ERGIC1: variants seen among roughly 807,000 people sequenced by gnomAD.
The protein encoded by ERGIC1 is endoplasmic reticulum-Golgi intermediate compartment protein 1.
ERGIC1 carries 19 observed loss-of-function variants against 38.3 expected under a neutral mutation model. That is an observed-to-expected ratio of 0.50 (90% CI 0.35 to 0.73). ERGIC1 has a LOEUF of 0.73. Among genes scored for constraint, ERGIC1 ranks in the 30% least tolerant of loss-of-function variants. The pLI is 0.01. For missense variants in ERGIC1, 294 were observed against 389.2 expected (o/e 0.76, Z 2.06); for synonymous variants, 124 against 157.6 (o/e 0.79, Z 1.60).
At chr5:172,917,136 C>T (rs1186393048) in intron 5 of ERGIC1, 2 of 152,292 alleles carry the variant, frequency 1.3e-5, no homozygotes, top group Non-Finnish European at 2.9e-5. Flanking sequence ...CATGTGGAAG[C>T]AAAGAAACCT....
chr5:172,935,155 T>C (rs773337014), intron 8 of ERGIC1, 33 bp from the exon 9 acceptor site: 2 of 1,613,546 alleles, frequency 1.2e-6, no homozygotes, highest in Non-Finnish European at 8.5e-7. Context: ...GAGACACAGT[T>C]TGTACTTCTG....
At chr5:172,857,964 G>A (rs1025413224) in intron 1 of ERGIC1, among the ~76,000 whole-genome samples, 4 of 152,130 alleles carry the variant, frequency 2.6e-5, no homozygotes, top group Admixed American at 6.5e-5. Flanking sequence ...GTGGTGAACG[G>A]CAGGGATATA....
chr5:172,844,984 T>C (rs1049687770), intron 1 of ERGIC1, among the ~76,000 whole-genome samples: 1 of 152,154 alleles, frequency 6.6e-6, no homozygotes, highest in African/African-American at 2.4e-5. Flanking sequence ...CAGTGCATCC[T>C]CAAGTCAGGT....
chr5:172,853,544 G>T (rs528386569), intron 1 of ERGIC1, among the ~76,000 whole-genome samples: 42 of 152,292 alleles, frequency 2.8e-4, no homozygotes, highest in African/African-American at 9.1e-4. Flanking sequence ...GAGGCTTACA[G>T]AGTCAGTCTG....
intron 3 of ERGIC1, among the ~76,000 whole-genome samples, chr5:172,901,485 G>A (rs1467763846): frequency 1.3e-5 from 2 of 152,110 alleles, no homozygotes; most frequent in Non-Finnish European, 2.9e-5. Context: ...ATAGTAACTG[G>A]AACTCTCCAC....
intron 4 of ERGIC1, among the ~76,000 whole-genome samples, chr5:172,913,522 C>T (rs1224100068): frequency 6.6e-6 from 1 of 152,232 alleles, no homozygotes; most frequent in East Asian, 1.9e-4. Flanking sequence ...GCTGGATCCT[C>T]ACTTACTTCT....
At chr5:172,845,302 G>A (rs748159193) in intron 1 of ERGIC1, among the ~76,000 whole-genome samples, 1 of 152,156 alleles carries the variant, frequency 6.6e-6, no homozygotes, top group Non-Finnish European at 1.5e-5. Context: ...AGGAGGCCGG[G>A]CCTGGTGACC....
At chr5:172,942,184 ACTCCGT>A in intron 9 of ERGIC1, among the ~76,000 whole-genome samples, 1 of 152,190 alleles carries the variant, frequency 6.6e-6, no homozygotes, top group African/African-American at 2.4e-5. Context: ...ACAGAGCAAG[ACTCCGT>A]CTCAAAAAAT....
chr5:172,836,543 C>G (rs1358625462), intron 1 of ERGIC1, among the ~76,000 whole-genome samples: 1 of 152,224 alleles, frequency 6.6e-6, no homozygotes, highest in Non-Finnish European at 1.5e-5. Context: ...AACCTGCACT[C>G]TTTAAGCTCT....
intron 1 of ERGIC1, among the ~76,000 whole-genome samples, chr5:172,885,698 C>T (rs1457930929): frequency 7.8e-6 from 1 of 128,520 alleles, no homozygotes. Context: ...CCTCCCGCTG[C>T]AGCCCTTTCC....
chr5:172,896,031 C>T (rs916451217), intron 2 of ERGIC1, among the ~76,000 whole-genome samples: 1 of 152,074 alleles, frequency 6.6e-6, no homozygotes, highest in Non-Finnish European at 1.5e-5. Flanking sequence ...GAACTCTGTT[C>T]TACACTCTGC....
At chr5:172,861,598 A>G (rs1561706030) in intron 1 of ERGIC1, among the ~76,000 whole-genome samples, 1 of 152,236 alleles carries the variant, frequency 6.6e-6, no homozygotes, top group Non-Finnish European at 1.5e-5. Context: ...ACGTTGCTGT[A>G]AAGACGAAAG....
At chr5:172,857,705 G>A (rs998991141) in intron 1 of ERGIC1, among the ~76,000 whole-genome samples, 1 of 151,446 alleles carries the variant, frequency 6.6e-6, no homozygotes, top group Admixed American at 6.6e-5. Flanking sequence ...GGTCTCACGT[G>A]GCCCCAGGAC....
At chr5:172,897,120 C>G in intron 3 of ERGIC1, 46 bp downstream of exon 3, 1 of 1,588,018 alleles carries the variant, frequency 6.3e-7, no homozygotes, top group Non-Finnish European at 8.6e-7. Flanking sequence ...GTTCTGGGAC[C>G]CCAGACAAGA....
At chr5:172,860,407 A>G (rs548321415) in intron 1 of ERGIC1, among the ~76,000 whole-genome samples, 2 of 152,326 alleles carry the variant, frequency 1.3e-5, no homozygotes, top group South Asian at 4.1e-4. Flanking sequence ...CAACTTACAC[A>G]TTGGGAAGCC....
At chr5:172,893,699 G>C (rs1158835653) in intron 2 of ERGIC1, among the ~76,000 whole-genome samples, 1 of 151,232 alleles carries the variant, frequency 6.6e-6, no homozygotes, top group Non-Finnish European at 1.5e-5. Flanking sequence ...CAGTGGATTT[G>C]TTCAGCAGCT....
At position 172,907,804 on chromosome 5, in the gene ERGIC1, A is replaced by G. The variant is rs1460671182; in HGVS notation, c.156-1863A>G. ...CCCCTGCAGCTTTCTGTCAAGTACT[A>G]ATCAGCGTTGGGGGTGGCAGCATAT... On this transcript the variant is annotated intron_variant, in intron 3 of 9. Coordinates refer to ENST00000393784, the MANE Select transcript of ERGIC1 (RefSeq NM_001031711.3). 3.9e-5 allele frequency among the ~76,000 whole-genome samples: 6 copies of G among 152,124 alleles called. No homozygotes were observed. In the East Asian group the frequency reaches 9.6e-4, roughly 24 times the overall value.
At chr5:172,932,620 C>T (rs899469091) in intron 8 of ERGIC1, 84 bp downstream of exon 8, 18 of 1,362,554 alleles carry the variant, frequency 1.3e-5, no homozygotes, top group East Asian at 2.4e-5. Flanking sequence ...GCTGCACCGA[C>T]GCACTTTCTT....
chr5:172,944,841 C>T (rs1414615714), intron 9 of ERGIC1, among the ~76,000 whole-genome samples: 1 of 152,180 alleles, frequency 6.6e-6, no homozygotes, highest in Non-Finnish European at 1.5e-5. Context: ...GCACCTGCTG[C>T]CTGCCCCATC....
Sources: gnomAD v4.1 joint callset for allele counts (sites outside exome capture counted in the v4.1 genomes callset) on GRCh38, gnomAD v4.1.1 for gene constraint, MANE v1.5 for transcripts, NCBI Gene and HGNC (gene_info 2026-07-23, HGNC 2026-07-21) for gene names.